CHPT1: variants seen among roughly 807,000 people sequenced by gnomAD.
CHPT1 encodes cholinephosphotransferase 1.
CHPT1 carries 36 observed loss-of-function variants against 47.6 expected under a neutral mutation model. The observed-to-expected ratio is 0.76, with a 90% CI of 0.58 to 1.00. The LOEUF (loss-of-function observed/expected upper bound fraction) is 1.00, where lower values mean the gene tolerates loss of function less well. CHPT1 is among the 50% of genes least tolerant of loss of function. CHPT1 has a pLI of 0.00. For synonymous variants in CHPT1, 194 were observed against 186.3 expected (o/e 1.04, Z -0.33); for missense variants, 458 against 498.1 (o/e 0.92, Z 0.77).
chr12:101,710,715 A>G (rs1266790531), intron 1 of CHPT1, among the ~76,000 whole-genome samples: 1 of 148,934 alleles, frequency 6.7e-6, no homozygotes, highest in African/African-American at 2.4e-5. Flanking sequence ...TTAATACCTG[A>G]CCATGAGACC....
At chr12:101,698,672 C>T (rs760307164) in intron 1 of CHPT1, among the ~76,000 whole-genome samples, 16 of 152,178 alleles carry the variant, frequency 1.1e-4, no homozygotes, top group Non-Finnish European at 2.2e-4. Flanking sequence ...CTCTTTGCTT[C>T]ATCGACTTTT....
At chr12:101,701,296 A>T (rs1309709962) in intron 1 of CHPT1, among the ~76,000 whole-genome samples, 1 of 152,054 alleles carries the variant, frequency 6.6e-6, no homozygotes, top group Non-Finnish European at 1.5e-5. Context: ...ATCTTTCAAT[A>T]CCCAATTCTA....
intron 1 of CHPT1, among the ~76,000 whole-genome samples, chr12:101,699,888 A>G (rs1321462790): frequency 1.3e-5 from 2 of 152,226 alleles, no homozygotes; most frequent in African/African-American, 4.8e-5. Context: ...CTCTTCCACC[A>G]CAGACCTGCT....
intron 1 of CHPT1, among the ~76,000 whole-genome samples, chr12:101,710,769 T>C (rs1951693594): frequency 1.3e-5 from 2 of 148,854 alleles, no homozygotes; most frequent in African/African-American, 4.9e-5. Flanking sequence ...AATTAAGCTT[T>C]CAATGTTGAC....
chr12:101,707,094 T>A (rs1951644471), intron 1 of CHPT1, among the ~76,000 whole-genome samples: 1 of 152,204 alleles, frequency 6.6e-6, no homozygotes, highest in South Asian at 2.1e-4. Context: ...TAGGTAGGAA[T>A]GGAATGACTG....
At chr12:101,716,604 A>G in intron 3 of CHPT1, 124 bp from the exon 4 acceptor site, 1 of 564,586 alleles carries the variant, frequency 1.8e-6, no homozygotes, top group Non-Finnish European at 3.1e-6. Flanking sequence ...TAATGGAAGT[A>G]AAGGTAAAAA....
intron 1 of CHPT1, among the ~76,000 whole-genome samples, chr12:101,709,153 T>G (rs1951671905): frequency 6.7e-6 from 1 of 148,428 alleles, no homozygotes; most frequent in Admixed American, 6.9e-5. Context: ...CCCAGCATTT[T>G]GGGAGGCTGA....
At position 101,720,166 on chromosome 12, in the gene CHPT1, G is replaced by C. The variant is rs538281829; in HGVS notation, c.692G>C (p.Gly231Ala). Residue 231 changes from glycine to alanine, a missense_variant, in exon 5 of 9, where the codon GGA becomes GCA. Coordinates refer to ENST00000229266, the MANE Select transcript of CHPT1 (RefSeq NM_020244.3). ...AAATTGAAGATCCTTCCAGTTCTTG[G>C]ATTTCTAGGTGGAGTAATATTTTCC... ...EIKLKILPVL[G>A]FLGGVIFSCS... 29 of 1,599,808 alleles carry C rather than the reference G, an allele frequency of 1.8e-5. 1 individual carries two copies. The South Asian group carries it at 2.5e-4, about 14-fold the overall frequency.
chr12:101,714,791 T>TAAAAGACTTAAGGTG, intron 3 of CHPT1, 146 bp downstream of exon 3: 1 of 669,058 alleles, frequency 1.5e-6, no homozygotes, highest in Non-Finnish European at 2.3e-6. Context: ...ATGCTACACC[T>TAAAAGACTTAAGGTG]TAAGTCTTTT....
intron 1 of CHPT1, 151 bp downstream of exon 1, chr12:101,698,285 G>C (rs1415031843): frequency 8.5e-7 from 1 of 1,180,808 alleles, no homozygotes; most frequent in Non-Finnish European, 1.1e-6. Context: ...TGTCCGCCCT[G>C]GGCCGCCTGG....
At chr12:101,716,566 T>G (rs1313989772) in intron 3 of CHPT1, among the ~76,000 whole-genome samples, 162 bp from the exon 4 acceptor site, 1 of 152,188 alleles carries the variant, frequency 6.6e-6, no homozygotes, top group Non-Finnish European at 1.5e-5. Flanking sequence ...CTTTTTTAAC[T>G]TAACAGTGTA....
intron 1 of CHPT1, among the ~76,000 whole-genome samples, chr12:101,698,379 G>A (rs1306424450): frequency 6.6e-6 from 1 of 152,220 alleles, no homozygotes; most frequent in Non-Finnish European, 1.5e-5. Context: ...CACTGCCCCA[G>A]GTCCTATGTC....
At chr12:101,714,713 A>G in intron 3 of CHPT1, 68 bp downstream of exon 3, 2 of 1,461,544 alleles carry the variant, frequency 1.4e-6, no homozygotes, top group South Asian at 2.7e-5. Context: ...CTGTTATGTC[A>G]TTCATCGATA....
intron 4 of CHPT1, 45 bp downstream of exon 4, chr12:101,716,857 T>C (rs1951770210): frequency 3.2e-6 from 4 of 1,248,900 alleles, no homozygotes; most frequent in South Asian, 1.5e-5. Context: ...TTTTCAAATA[T>C]TTAGGAAAAA....
chr12:101,719,452 T>C lies in CHPT1; in HGVS notation c.649-671T>C, dbSNP rs2137022694. On this transcript the variant is annotated intron_variant, in intron 4 of 8. Transcript: ENST00000229266. ...GTAGCCTCTAGCTTCTGGCAATTCA[T>C]TGTTACTGTTTTTTAAATCCTTTGC... The C allele has an allele frequency of 3.7e-6, 3 of 801,546 alleles. No individual in the cohort carries two copies. The Middle Eastern group carries it at 8.2e-4, about 219-fold the overall frequency. 49.7% of individuals were successfully genotyped at this position (801,546 alleles called of 1,614,324 possible). A position where few individuals can be genotyped will look rare whatever the true frequency, so the allele number is the denominator to read the frequency against.
intron 5 of CHPT1, among the ~76,000 whole-genome samples, chr12:101,721,799 G>A (rs1951855216): frequency 6.6e-6 from 1 of 152,258 alleles, no homozygotes; most frequent in South Asian, 2.1e-4. Flanking sequence ...GGTGGCTCAC[G>A]CTTGTAATCC....
intron 1 of CHPT1, among the ~76,000 whole-genome samples, chr12:101,700,492 G>A (rs746885731): frequency 6.6e-6 from 1 of 152,152 alleles, no homozygotes; most frequent in South Asian, 2.1e-4. Flanking sequence ...GAGGGGAAAC[G>A]CCATTACAGG....
At chr12:101,699,920 C>A (rs10778142) in intron 1 of CHPT1, among the ~76,000 whole-genome samples, 120,273 of 152,108 alleles carry the variant, frequency 0.79, 47,962 homozygotes, top group African/African-American at 0.9. Context: ...CCCACAGATA[C>A]AATAGAAAAT....
rs1594128667 is a variant in CHPT1 at position 101,708,924 on chromosome 12, T to C, written c.274-5166T>C. 2.7e-5 allele frequency among the ~76,000 whole-genome samples: 4 copies of C among 149,336 alleles called. 1 individual carries two copies. In the Admixed American group the frequency reaches 2.7e-4, roughly 10 times the overall value. ...AAAAACTTTAAATGTTAGAATGGAA[T>C]ATTACCTAGAGAAGTTCTACTACTT... is the stretch of plus-strand genomic sequence containing the variant. On this transcript the variant is annotated intron_variant, in intron 1 of 8. Transcript: ENST00000229266.
Sources: gnomAD v4.1 joint callset for allele counts (sites outside exome capture counted in the v4.1 genomes callset) on GRCh38, gnomAD v4.1.1 for gene constraint, MANE v1.5 for transcripts, NCBI Gene and HGNC (gene_info 2026-07-23, HGNC 2026-07-21) for gene names.